Variants in CIT observed in about 807,000 individuals in gnomAD.
CIT encodes the protein citron rho-interacting serine/threonine kinase.
A neutral mutation model predicts 272.7 loss-of-function variants in CIT; 79 were observed. The observed-to-expected ratio is 0.29, with a 90% CI of 0.24 to 0.35. CIT has a LOEUF of 0.35. Among genes scored for constraint, CIT ranks in the 10% least tolerant of loss-of-function variants. The pLI, the probability that CIT is intolerant of heterozygous loss-of-function variation, is 1.00. For missense variants in CIT, 1,909 were observed against 2,618.3 expected (o/e 0.73, Z 5.91); for synonymous variants, 948 against 995.6 (o/e 0.95, Z 0.90).
chr12:119,862,832 A>AG (rs1950389787), intron 3 of CIT, among the ~76,000 whole-genome samples: 1 of 135,564 alleles, frequency 7.4e-6, no homozygotes, highest in Admixed American at 7.2e-5. Flanking sequence ...AAAAAAAAAA[A>AG]AAAAAAAAGA....
chr12:119,777,585 G>T (rs1051149230), intron 13 of CIT, among the ~76,000 whole-genome samples: 1 of 150,930 alleles, frequency 6.6e-6, no homozygotes, highest in Non-Finnish European at 1.5e-5. Flanking sequence ...CAGAAGAATC[G>T]CTTGGACCCG....
At chr12:119,696,194 A>G (rs1954147478) in intron 46 of CIT, among the ~76,000 whole-genome samples, 1 of 152,224 alleles carries the variant, frequency 6.6e-6, no homozygotes, top group African/African-American at 2.4e-5. Flanking sequence ...CACCTTTCTT[A>G]TCCTTTGAAT....
At chr12:119,719,961 G>A (rs1256191623) in intron 30 of CIT, among the ~76,000 whole-genome samples, 3 of 152,180 alleles carry the variant, frequency 2.0e-5, no homozygotes, top group East Asian at 3.8e-4. Context: ...TGGCAGAGGG[G>A]AGAAGTGTCC....
intron 30 of CIT, 134 bp downstream of exon 30, chr12:119,720,344 C>A: frequency 1.5e-6 from 1 of 645,384 alleles, no homozygotes; most frequent in East Asian, 3.2e-5. Flanking sequence ...ATTTTTCAAC[C>A]CAAAATAAAA....
At position 119,713,673 on chromosome 12, in the gene CIT, G is replaced by C; in HGVS notation, c.4307-25C>G. 5.6e-6 allele frequency: 9 copies of C among 1,612,216 alleles called. No individual in the cohort carries two copies. Among genetic ancestry groups the C allele is most frequent in the Non-Finnish European group, 7.6e-6 (9 of 1,178,194 alleles). Reference sequence around the variant, plus strand: ...TCTAGGGAAGAACAGTGAGCAACCTGAGGGCATGCTCAGCTGACCCTGGAC... The same window carrying C: ...TCTAGGGAAGAACAGTGAGCAACCTCAGGGCATGCTCAGCTGACCCTGGAC... On this transcript the variant is annotated intron_variant, in intron 33 of 47. Transcript: ENST00000392521. The surrounding 1 kb of genome is among the most constrained non-coding windows in gnomAD (Gnocchi z 5.2).
At position 119,761,124 on chromosome 12, in the gene CIT, A is replaced by G. The variant is rs1961739105; in HGVS notation, c.2305-69T>C. 6.2e-6 allele frequency: 7 copies of G among 1,131,372 alleles called. No individual in the cohort carries two copies. In the South Asian group the frequency reaches 6.2e-5, roughly 10 times the overall value. 70.1% of individuals were successfully genotyped at this position (1,131,372 alleles called of 1,614,324 possible). Reference sequence around the variant, plus strand: ...TGAGGAGGGAAGACTAAACGGGGACACTTGAGAAAATCTAGGAAAGAGGAG... The same window carrying G: ...TGAGGAGGGAAGACTAAACGGGGACGCTTGAGAAAATCTAGGAAAGAGGAG... On this transcript the variant is annotated intron_variant, in intron 19 of 47. Coordinates refer to ENST00000392521, the MANE Select transcript of CIT (RefSeq NM_001206999.2).
At chr12:119,866,494 T>C (rs1229961419) in intron 3 of CIT, among the ~76,000 whole-genome samples, 1 of 152,026 alleles carries the variant, frequency 6.6e-6, no homozygotes, top group Non-Finnish European at 1.5e-5. Flanking sequence ...TTGGGCTTTG[T>C]AGGCCATTTG....
rs756308007 is a variant in CIT, at chr12:119,825,420, T to C, written c.754-52A>G. On this transcript the variant is annotated intron_variant, in intron 7 of 47. Coordinates refer to ENST00000392521, the MANE Select transcript of CIT (RefSeq NM_001206999.2). The stretch of plus-strand genomic sequence containing the variant: ...CAGCAAACTTTCAATTATCCTCAAG[T>C]AGACTGCCAACAGCCACATTTCAGA... 12 of 1,528,380 alleles carry C rather than the reference T, an allele frequency of 7.9e-6. No individual in the cohort carries two copies. In the East Asian group the frequency reaches 2.3e-4, roughly 29 times the overall value. 94.7% of individuals were successfully genotyped at this position (1,528,380 alleles called of 1,614,324 possible).
rs1271953697 is a variant in CIT, at chr12:119,857,542, G to C, written c.395C>G (p.Ala132Gly). ...IYAMKVMKKKALLAQEQVSFF... is the reference protein window; with the variant it reads ...IYAMKVMKKKGLLAQEQVSFF... ...TCCTACCTGCTCCTGGGCCAATAAA[G>C]CCTTCTTCTTCATCACTTTCATAGC... The change falls in exon 4 of 48, where the codon GCT (alanine) becomes GGT (glycine). Residue 132 changes from alanine to glycine, a missense_variant. By Grantham distance (60) the Ala-to-Gly change is moderately conservative. Transcript: ENST00000392521. 2.5e-6 allele frequency: 4 copies of C among 1,613,958 alleles called. No individual in the cohort carries two copies. Among genetic ancestry groups the C allele is most frequent in the Non-Finnish European group, 3.4e-6 (4 of 1,180,030 alleles).
Position 119,768,236 on chromosome 12 carries a change from T to A in CIT, c.2209-1054A>T, listed in dbSNP as rs7131896. Among the ~76,000 whole-genome samples the A allele has an allele frequency of 6.6e-6, 1 of 152,206 alleles. No individual in the cohort carries two copies. Among genetic ancestry groups the A allele is most frequent in the African/African-American group, 2.4e-5 (1 of 41,540 alleles). On this transcript the variant is annotated intron_variant, in intron 18 of 47. Coordinates refer to ENST00000392521, the MANE Select transcript of CIT (RefSeq NM_001206999.2). The surrounding 1 kb of genome is among the most constrained non-coding windows in gnomAD (Gnocchi z 4.3). ...CAAGTTTCTAGCTTTTAAACAAAAC[T>A]GTAATTCACTTGAAAATTGCAGTTC...
At chr12:119,711,495 G>A (rs1412954109) in intron 37 of CIT, among the ~76,000 whole-genome samples, 2 of 152,182 alleles carry the variant, frequency 1.3e-5, no homozygotes, top group Non-Finnish European at 2.9e-5. Flanking sequence ...CTATTGTGCT[G>A]CTTCGTGGCC....
At chr12:119,849,689 C>CTT (rs869266632) in intron 5 of CIT, among the ~76,000 whole-genome samples, 5 of 81,146 alleles carry the variant, frequency 6.2e-5, no homozygotes, top group Admixed American at 1.4e-4. Flanking sequence ...CTTTTTTTTT[C>CTT]TTTTTTTTTT....
chr12:119,825,097 G>A, intron 8 of CIT, 68 bp downstream of exon 8: 1 of 1,430,046 alleles, frequency 7.0e-7, no homozygotes, highest in Non-Finnish European at 9.7e-7. Flanking sequence ...ACCACGCCCA[G>A]CCTCATTCGC....
chr12:119,722,695 T>C (rs548725320), intron 28 of CIT, among the ~76,000 whole-genome samples: 1 of 152,312 alleles, frequency 6.6e-6, no homozygotes, highest in South Asian at 2.1e-4. Context: ...AGTTTCTTCA[T>C]CTGAAAGTGG....
At chr12:119,751,099 TG>T (rs1440869081) in intron 23 of CIT, among the ~76,000 whole-genome samples, 2 of 152,146 alleles carry the variant, frequency 1.3e-5, no homozygotes, top group Admixed American at 6.5e-5. Flanking sequence ...GAGAAATGTA[TG>T]AGCTTGGCTG....
intron 4 of CIT, among the ~76,000 whole-genome samples, chr12:119,853,823 C>T (rs1274549275): frequency 1.3e-5 from 2 of 152,078 alleles, no homozygotes; most frequent in Non-Finnish European, 2.9e-5. Flanking sequence ...CTCTGTCTGA[C>T]CCCGTCTGAC....
chr12:119,704,309 G>T, intron 41 of CIT, 54 bp downstream of exon 41: 2 of 1,523,860 alleles, frequency 1.3e-6, no homozygotes, highest in South Asian at 1.1e-5. Flanking sequence ...CTGGCTCGCT[G>T]AGAGAGCAGG....
rs1316983718 is a variant in CIT, at chr12:119,685,808, T to C, written c.*2424A>G. 6.6e-6 allele frequency: 1 copy of C among 152,378 alleles called. No individual in the cohort carries two copies. Among genetic ancestry groups the C allele is most frequent in the Non-Finnish European group, 1.5e-5 (1 of 68,052 alleles). The allele number at this position is 152,378 out of a possible 1,614,324, so 9.4% of individuals were successfully genotyped here. A position where few individuals can be genotyped will look rare whatever the true frequency, so the allele number is the denominator to read the frequency against. On this transcript the variant is annotated 3_prime_UTR_variant, in exon 48 of 48. Coordinates refer to ENST00000392521, the MANE Select transcript of CIT (RefSeq NM_001206999.2). ...AGCACACATTAGTTTAGATCATTGC[T>C]TTATTTCACTAATTGTTCAACAACA...
At chr12:119,767,020 C>A (rs1962528886) in intron 19 of CIT, 67 bp downstream of exon 19, 1 of 1,182,620 alleles carries the variant, frequency 8.5e-7, no homozygotes, top group African/African-American at 1.5e-5. Flanking sequence ...CACAAGGGCC[C>A]AGGAAGAGAT....
Sources: gnomAD v4.1 joint callset for allele counts (sites outside exome capture counted in the v4.1 genomes callset) on GRCh38, gnomAD v4.1.1 for gene constraint, Gnocchi (gnomAD v3.1) non-coding constraint, MANE v1.5 for transcripts, NCBI Gene and HGNC (gene_info 2026-07-23, HGNC 2026-07-21) for gene names.